The following COL6A1 variants were observed in gnomAD, a reference collection of about 807,000 sequenced individuals.
COL6A1 encodes collagen type VI alpha 1 chain, also known as collagen alpha-1(VI) chain.
A neutral mutation model predicts 145.6 loss-of-function variants in COL6A1; 80 were observed. That is an observed-to-expected ratio of 0.55 (90% confidence interval 0.46 to 0.66). The LOEUF (loss-of-function observed/expected upper bound fraction) is 0.66, where lower values mean the gene tolerates loss of function less well. COL6A1 is among the 30% of genes least tolerant of loss of function. COL6A1 has a pLI of 0.00. For synonymous variants in COL6A1, 638 were observed against 622.8 expected (o/e 1.02, Z -0.36); for missense variants, 1,364 against 1,473.8 (o/e 0.93, Z 1.22).
chr21:45,982,372 C>T (rs1163574764), intron 1 of COL6A1, among the ~76,000 whole-genome samples: 3 of 152,204 alleles, frequency 2.0e-5, no homozygotes, highest in South Asian at 2.1e-4. Context: ...TGTCCGGTCC[C>T]GTGCCGGGGA....
At chr21:46,003,096 C>T (rs2077858356) in intron 33 of COL6A1, 24 bp from the exon 34 acceptor site, 1 of 1,614,086 alleles carries the variant, frequency 6.2e-7, no homozygotes, top group Non-Finnish European at 8.5e-7. Flanking sequence ...TGGGCTCACA[C>T]TGCACGGCTT....
At chr21:45,990,139 G>A (rs548667607) in intron 11 of COL6A1, 119 bp from the exon 12 acceptor site, 270 of 1,250,124 alleles carry the variant, frequency 2.2e-4, no homozygotes, top group Non-Finnish European at 3.0e-4. Context: ...ATTCTCAGCA[G>A]TGATGTTGTC....
chr21:45,998,395 C>T lies in COL6A1; in HGVS notation c.1576-3C>T, dbSNP rs772927104. On this transcript the variant is annotated splice_region_variant and splice_polypyrimidine_tract_variant and intron_variant, in intron 23 of 34. Transcript: ENST00000361866. ...GTATCACTGCCCTGCTTTTCCATGACAGGGGTATCCGGGCAACAGGGGCGC... is the reference window on the plus strand; with the variant it reads ...GTATCACTGCCCTGCTTTTCCATGATAGGGGTATCCGGGCAACAGGGGCGC... The T allele has an allele frequency of 6.2e-7, 1 of 1,613,264 alleles. No individual in the cohort carries two copies. The highest frequency in any genetic ancestry group is 8.5e-7 in the Non-Finnish European group (1 of 1,179,992).
chr21:46,001,943 C>T lies in COL6A1; in HGVS notation c.1957-18C>T. ...CTGGGGCAGCACTCGCGTCCTGACCCCGGTGCCGGTCCCACAGTTCGAGCC... is the reference window on the plus strand; with the variant it reads ...CTGGGGCAGCACTCGCGTCCTGACCTCGGTGCCGGTCCCACAGTTCGAGCC... On this transcript the variant is annotated intron_variant, in intron 30 of 34. Transcript: ENST00000361866. 1 of 1,608,910 alleles carries T rather than the reference C, an allele frequency of 6.2e-7. No individual in the cohort carries two copies. Among genetic ancestry groups the T allele is most frequent in the Non-Finnish European group, 8.5e-7 (1 of 1,178,054 alleles).
chr21:45,982,747 G>T lies in COL6A1; in HGVS notation c.211G>T (p.Asp71Tyr). The stretch of plus-strand genomic sequence containing the variant: ...CAAGTCCTTCACCAAGCGCTTCATC[G>T]ACAACCTGAGGGACAGGTAGGAGGG... ...KVKSFTKRFI[D>Y]NLRDRYYRCD... Residue 71 changes from aspartate (D) to tyrosine (Y), a missense_variant, in exon 2 of 35, where the codon GAC (aspartate) becomes TAC (tyrosine). Physicochemically the swap from Asp to Tyr is radical, Grantham distance 160 (BLOSUM62 -3). This residue lies in a region of COL6A1 where 414 missense variants were observed against 437.6 expected (regional missense o/e 0.95). Coordinates refer to ENST00000361866, the MANE Select transcript of COL6A1 (RefSeq NM_001848.3). The T allele has an allele frequency of 6.2e-7, 1 of 1,612,520 alleles. No individual in the cohort carries two copies.
In COL6A1 at chr21:46,002,013, T is replaced by C. The variant is rs776241591; in HGVS notation, c.2009T>C (p.Met670Thr). The C allele has an allele frequency of 9.3e-6, 15 of 1,612,738 alleles. No homozygotes were observed. The highest frequency in any genetic ancestry group is 1.0e-5 in the Non-Finnish European group (12 of 1,179,878). Residue 670 changes from methionine to threonine, a missense_variant, in exon 31 of 35, where the codon ATG becomes ACG. Around this residue, in one of 3 missense-constraint regions of COL6A1, gnomAD observed 938 missense variants for 1,003.8 expected, o/e 0.93. Transcript: ENST00000361866. ...GTGGTGCAGTACAGCCACAGCCAGA[T>C]GCAGGAGCACGTGAGCCTGCGCAGC... ...AGVVQYSHSQMQEHVSLRSPS... is the reference protein window; with the variant it reads ...AGVVQYSHSQTQEHVSLRSPS...
chr21:46,000,895 C>T (rs753251551), intron 29 of COL6A1, 128 bp downstream of exon 29: 86 of 1,231,468 alleles, frequency 7.0e-5, no homozygotes, highest in South Asian at 3.2e-4. Context: ...TGCACCTGCC[C>T]GCCCCCTCTG....
chr21:45,984,162 G>C, intron 2 of COL6A1, 107 bp from the exon 3 acceptor site: 1 of 1,138,162 alleles, frequency 8.8e-7, no homozygotes, highest in Non-Finnish European at 1.3e-6. Context: ...TGTCAGCCAC[G>C]GCCAGGGTGG....
rs752259110 is a variant in COL6A1, at chr21:45,987,634, C to G, written c.784C>G (p.Arg262Gly). ...GCCTGCAAGAGGACCTCCGGGGCTC[C>G]GGGGCGACCCCGGCTTTGAGGTGAG... ...CQPARGPPGL[R>G]GDPGFEGERG... The change falls in exon 8 of 35, where the codon CGG (arginine) becomes GGG (glycine). Residue 262 changes from arginine to glycine, a missense_variant. Coordinates refer to ENST00000361866, the MANE Select transcript of COL6A1 (RefSeq NM_001848.3). 1.9e-6 allele frequency: 3 copies of G among 1,610,998 alleles called. No individual in the cohort carries two copies. In the South Asian group the frequency reaches 3.3e-5, roughly 18 times the overall value.
At position 46,004,372 on chromosome 21, in the gene COL6A1, C is replaced by T. The variant is rs2077868987; in HGVS notation, c.*359C>T. 1 of 330,868 alleles carries T rather than the reference C, an allele frequency of 3.0e-6. No homozygotes were observed. 20.5% of individuals were successfully genotyped at this position (330,868 alleles called of 1,614,324 possible). ...CCCCACCCCGGGCTCTCCTGCCCTGCCCTCCTGCCCGCCCTCCCTCCTGCC... is the reference window on the plus strand; with the variant it reads ...CCCCACCCCGGGCTCTCCTGCCCTGTCCTCCTGCCCGCCCTCCCTCCTGCC... On this transcript the variant is annotated 3_prime_UTR_variant, in exon 35 of 35. Transcript: ENST00000361866.
rs1360722232 is a variant in COL6A1 at position 46,002,715 on chromosome 21, G to T, written c.2434+5G>T. On this transcript the variant is annotated splice_donor_5th_base_variant and intron_variant, in intron 33 of 34. Coordinates refer to ENST00000361866, the MANE Select transcript of COL6A1 (RefSeq NM_001848.3). ...TCACCGCCCAGATCTGCATAGGTGCGCATGGGGCCACCCGGGCAGTCCCAG... is the reference window on the plus strand; with the variant it reads ...TCACCGCCCAGATCTGCATAGGTGCTCATGGGGCCACCCGGGCAGTCCCAG... 11 of 1,611,018 alleles carry T rather than the reference G, an allele frequency of 6.8e-6. No individual in the cohort carries two copies. In the Admixed American group the frequency reaches 1.2e-4, roughly 17 times the overall value.
Position 45,990,278 on chromosome 21 carries a change from C to T in COL6A1, c.951C>T (p.Gly317=), listed in dbSNP as rs770350586. The T allele has an allele frequency of 5.6e-6, 9 of 1,612,852 alleles. No homozygotes were observed. In the Admixed American group the frequency reaches 1.5e-4, roughly 27 times the overall value. Residue 317 remains glycine, a synonymous_variant, in exon 12 of 35, where the codon GGC becomes GGT. Transcript: ENST00000361866. Reference sequence around the variant, plus strand: ...CGCAGGGCTCCAGGGGACCCAAGGGCTACAAGGTGAGCGTGGGCTGCTGGG... The same window carrying T: ...CGCAGGGCTCCAGGGGACCCAAGGGTTACAAGGTGAGCGTGGGCTGCTGGG... ...RGEKGSRGPK[G]YKGEKGKRGI... is the part of the protein sequence containing the mutation.
At chr21:45,993,250 C>T (rs902072443) in intron 19 of COL6A1, among the ~76,000 whole-genome samples, 2 of 152,344 alleles carry the variant, frequency 1.3e-5, no homozygotes, top group Middle Eastern at 3.4e-3. Flanking sequence ...GGCCACCCCC[C>T]ACCTTCAGCT....
In COL6A1 at chr21:46,002,729, G is replaced by C; in HGVS notation, c.2434+19G>C. ...TGCATAGGTGCGCATGGGGCCACCC[G>C]GGCAGTCCCAGATCTGCGTAGGTGC... is the stretch of plus-strand genomic sequence containing the variant. On this transcript the variant is annotated intron_variant, in intron 33 of 34. Transcript: ENST00000361866. 6.4e-7 allele frequency: 1 copy of C among 1,562,806 alleles called. No individual in the cohort carries two copies. The highest frequency in any genetic ancestry group is 1.2e-5 in the South Asian group (1 of 85,296).
At chr21:45,985,269 G>C (rs2123464148) in intron 3 of COL6A1, among the ~76,000 whole-genome samples, 1 of 151,900 alleles carries the variant, frequency 6.6e-6, no homozygotes, top group East Asian at 1.9e-4. Flanking sequence ...TAGAGAGATA[G>C]AGACAGAGGG....
rs1377997344 is a variant in COL6A1, at chr21:46,000,872, GC to G, written c.1822+108del. On this transcript the variant is annotated intron_variant, in intron 29 of 34. Coordinates refer to ENST00000361866, the MANE Select transcript of COL6A1 (RefSeq NM_001848.3). ...GACAGCACATGGCACTCTGGTCCCC[GC>G]CCGCAGCTCCCTGCACCTGCCCGCC... 7 of 1,404,766 alleles carry G rather than the reference GC, an allele frequency of 5.0e-6. No homozygotes were observed. The African/African-American group carries it at 8.5e-5, about 17-fold the overall frequency. The allele number at this position is 1,404,766 out of a possible 1,614,324, so 87.0% of individuals were successfully genotyped here.
At chr21:45,982,585 G>C (rs752517852) in intron 1 of COL6A1, 49 bp from the exon 2 acceptor site, 1 of 1,611,098 alleles carries the variant, frequency 6.2e-7, no homozygotes, top group African/African-American at 1.3e-5. Context: ...GCAGAGACTC[G>C]GGGAATGGGG....
rs115163637 is a variant in COL6A1 at position 46,003,668 on chromosome 21, C to T, written c.2742C>T (p.Thr914=). ...CCATGGACTTTATCAACGACGCCAC[C>T]GACGTCAACGATGCCCTGGGCTATG... The part of the protein sequence containing the change: ...VDAMDFINDA[T]DVNDALGYVT... Residue 914 remains threonine (T), a synonymous_variant, in exon 35 of 35, where the codon ACC becomes ACT. Transcript: ENST00000361866. 967 of 1,613,090 alleles carry T rather than the reference C, an allele frequency of 6.0e-4. 7 individuals carry two copies. In the African/African-American group the frequency reaches 0.012, roughly 19 times the overall value.
chr21:45,997,368 G>T (rs1249162770), intron 20 of COL6A1, 53 bp from the exon 21 acceptor site: 10 of 1,550,280 alleles, frequency 6.5e-6, no homozygotes, highest in Non-Finnish European at 8.9e-6. Flanking sequence ...GTCAGGGAGG[G>T]CTCAGGCTGG....
Sources: allele counts gnomAD v4.1 joint callset (sites outside exome capture counted in the v4.1 genomes callset), GRCh38; gene constraint gnomAD v4.1.1; regional missense constraint gnomAD v4.1.1; transcripts MANE v1.5; gene names NCBI Gene and HGNC (gene_info 2026-07-23, HGNC 2026-07-21).